Variants in SYT14 observed in about 807,000 individuals in gnomAD.
The protein encoded by SYT14 is synaptotagmin 14.
A neutral mutation model predicts 74.2 loss-of-function variants in SYT14; 32 were observed. That is an observed-to-expected ratio of 0.43 (90% CI 0.33 to 0.58). The LOEUF is 0.58. Ranked by LOEUF, SYT14 falls within the 20% of genes least tolerant of loss-of-function variation. The pLI is 0.05. For synonymous variants in SYT14, 298 were observed against 337.7 expected (o/e 0.88, Z 1.29); for missense variants, 791 against 981.8 (o/e 0.81, Z 2.60).
chr1:210,031,992 A>T (rs1169730263), intron 5 of SYT14, among the ~76,000 whole-genome samples: 1 of 152,166 alleles, frequency 6.6e-6, no homozygotes, highest in Non-Finnish European at 1.5e-5. Flanking sequence ...AGGACAAATA[A>T]GGGACAACTA....
At chr1:209,950,641 A>T (rs1398225917) in intron 1 of SYT14, among the ~76,000 whole-genome samples, 1 of 152,226 alleles carries the variant, frequency 6.6e-6, no homozygotes, top group Non-Finnish European at 1.5e-5. Context: ...CAACCAAGTC[A>T]GAATGAAGAT....
exon 4 of SYT14, chr1:210,017,090 C>G (rs1012108377): frequency 8.1e-7 from 1 of 1,231,520 alleles, no homozygotes; most frequent in African/African-American, 1.6e-5. Context: ...TAAGATAATA[C>G]CAGAAAAAGG....
intron 5 of SYT14, among the ~76,000 whole-genome samples, chr1:210,090,126 A>G (rs923849920): frequency 2.0e-5 from 3 of 152,102 alleles, no homozygotes; most frequent in African/African-American, 7.2e-5. Flanking sequence ...CCCATTTTTC[A>G]TCTGCCACAC....
At chr1:210,086,354 TATTC>T (rs2081730641) in intron 5 of SYT14, among the ~76,000 whole-genome samples, 3 of 152,246 alleles carry the variant, frequency 2.0e-5, no homozygotes, top group African/African-American at 4.8e-5. Flanking sequence ...ATTTTTCACT[TATTC>T]ATATATTTAT....
intron 2 of SYT14, among the ~76,000 whole-genome samples, chr1:209,982,883 G>A (rs1475918669): frequency 6.6e-6 from 1 of 152,140 alleles, no homozygotes; most frequent in Non-Finnish European, 1.5e-5. Flanking sequence ...TCTGGATTTT[G>A]GCCATTCTAA....
intron 2 of SYT14, among the ~76,000 whole-genome samples, chr1:209,990,419 C>T (rs2079643924): frequency 6.7e-6 from 1 of 149,632 alleles, no homozygotes; most frequent in South Asian, 2.1e-4. Context: ...CCCCCACCTT[C>T]CTTTTTAAAA....
intron 2 of SYT14, among the ~76,000 whole-genome samples, chr1:209,979,516 C>T (rs904526348): frequency 4.6e-5 from 7 of 151,984 alleles, no homozygotes; most frequent in African/African-American, 7.3e-5. Flanking sequence ...AAATGTGTGC[C>T]ATGGTGGCTT....
At chr1:209,978,068 A>C (rs977398760) in intron 2 of SYT14, among the ~76,000 whole-genome samples, 15 of 152,078 alleles carry the variant, frequency 9.9e-5, no homozygotes, top group African/African-American at 3.4e-4. Flanking sequence ...AGGTCCTTTA[A>C]GGACTCTTTG....
intron 7 of SYT14, among the ~76,000 whole-genome samples, chr1:210,146,847 A>G (rs2083049053): frequency 6.6e-6 from 1 of 151,524 alleles, no homozygotes; most frequent in Non-Finnish European, 1.5e-5. Flanking sequence ...GTATGTATGT[A>G]CTACATATAT....
intron 3 of SYT14, among the ~76,000 whole-genome samples, chr1:210,015,383 C>A (rs2080162307): frequency 6.6e-6 from 1 of 152,080 alleles, no homozygotes. Flanking sequence ...CCTTGTTTTT[C>A]TTTCACTTAT....
intron 5 of SYT14, among the ~76,000 whole-genome samples, chr1:210,042,104 A>G (rs2080801638): frequency 6.6e-6 from 1 of 151,960 alleles, no homozygotes; most frequent in African/African-American, 2.4e-5. Context: ...CAAGCAGGAG[A>G]GGCAGGGGAA....
chr1:210,101,940 A>T (rs1410432044), intron 7 of SYT14, among the ~76,000 whole-genome samples: 2 of 152,220 alleles, frequency 1.3e-5, no homozygotes. Context: ...AGAAAATAAT[A>T]CTGTCTTATC....
At chr1:210,099,632 T>C (rs1418654101) in intron 6 of SYT14, among the ~76,000 whole-genome samples, 3 of 152,210 alleles carry the variant, frequency 2.0e-5, no homozygotes, top group Middle Eastern at 3.2e-3. Flanking sequence ...AGCCTGATAC[T>C]GTGCTGTCAA....
At chr1:210,019,254 G>A (rs907689989) in intron 4 of SYT14, among the ~76,000 whole-genome samples, 1 of 151,486 alleles carries the variant, frequency 6.6e-6, no homozygotes, top group Admixed American at 6.6e-5. Flanking sequence ...CTCCTCAAGA[G>A]ACTCAAAACC....
At chr1:210,015,269 C>T (rs574711346) in intron 3 of SYT14, among the ~76,000 whole-genome samples, 1 of 152,178 alleles carries the variant, frequency 6.6e-6, no homozygotes, top group Admixed American at 6.5e-5. Context: ...CACTTGTGAG[C>T]CAATGAGAAT....
At chr1:210,157,786 TAAA>T (rs2083297323) in intron 8 of SYT14, among the ~76,000 whole-genome samples, 1 of 151,384 alleles carries the variant, frequency 6.6e-6, no homozygotes, top group African/African-American at 2.4e-5. Context: ...TAATTAAAAT[TAAA>T]AAATAAAGGA....
At chr1:210,068,002 G>A (rs1381910695) in intron 5 of SYT14, among the ~76,000 whole-genome samples, 2 of 151,828 alleles carry the variant, frequency 1.3e-5, no homozygotes. Context: ...TTTAATACCA[G>A]TGAATATGCC....
rs531354861 is a variant in SYT14 at position 210,160,112 on chromosome 1, C to T, written c.2282-617C>T. On this transcript the variant is annotated intron_variant, in intron 9 of 9. Transcript: ENST00000637265. ...TTACTTGGTTTGCTAAACTTTGAAC[C>T]TTTAATGCATTTGGCTTCATTTTTG... 2.0e-3 allele frequency among the ~76,000 whole-genome samples: 305 copies of T among 152,242 alleles called. 1 individual carries two copies. The highest frequency in any genetic ancestry group is 7.1e-3 in the African/African-American group (297 of 41,548).
chr1:210,089,469 T>C (rs2081817723), intron 5 of SYT14, among the ~76,000 whole-genome samples: 2 of 152,224 alleles, frequency 1.3e-5, no homozygotes, highest in South Asian at 2.1e-4. Context: ...TCTTCCACAA[T>C]GGTTGAACTA....
Sources: allele counts gnomAD v4.1 joint callset (sites outside exome capture counted in the v4.1 genomes callset), GRCh38; gene constraint gnomAD v4.1.1; transcripts MANE v1.5; gene names NCBI Gene and HGNC (gene_info 2026-07-23, HGNC 2026-07-21).